PIGU: variants seen among roughly 807,000 people sequenced by gnomAD.
PIGU encodes phosphatidylinositol glycan anchor biosynthesis class U.
A neutral mutation model predicts 49.9 loss-of-function variants in PIGU; 24 were observed. The observed-to-expected ratio is 0.48, with a 90% CI of 0.35 to 0.68. PIGU has a LOEUF of 0.68. PIGU is among the 30% of genes least tolerant of loss of function. The probability of loss-of-function intolerance (pLI) is 0.01; values close to 1 mark genes in which losing one functional copy is unlikely to be tolerated. For synonymous variants in PIGU, 220 were observed against 205.7 expected (o/e 1.07, Z -0.59); for missense variants, 490 against 532.6 (o/e 0.92, Z 0.79).
intron 6 of PIGU, among the ~76,000 whole-genome samples, chr20:34,620,998 T>C (rs1447877672): frequency 2.6e-5 from 4 of 152,128 alleles, no homozygotes; most frequent in African/African-American, 9.7e-5. Context: ...GCTTCAGTAA[T>C]GTGACCAAAA....
intron 11 of PIGU, among the ~76,000 whole-genome samples, chr20:34,566,160 G>A (rs1301456378): frequency 2.6e-5 from 4 of 152,166 alleles, no homozygotes; most frequent in African/African-American, 9.7e-5. Flanking sequence ...GCCCAGCAGC[G>A]CTGCAGCTCC....
chr20:34,615,740 C>A (rs1984979120), intron 7 of PIGU, among the ~76,000 whole-genome samples: 1 of 152,102 alleles, frequency 6.6e-6, no homozygotes, highest in South Asian at 2.1e-4. Flanking sequence ...GTAGTTGTCT[C>A]AGTTATTCGA....
intron 2 of PIGU, among the ~76,000 whole-genome samples, chr20:34,652,557 A>G (rs1986574205): frequency 6.6e-6 from 1 of 152,166 alleles, no homozygotes; most frequent in Non-Finnish European, 1.5e-5. Context: ...AGCTGTGGTT[A>G]TTGACTTGAG....
rs1384481008 is a variant in PIGU, at chr20:34,637,998, A to G, written c.319-13T>C. The G allele has an allele frequency of 3.2e-6, 5 of 1,564,870 alleles. No homozygotes were observed. Among genetic ancestry groups the G allele is most frequent in the Non-Finnish European group, 4.3e-6 (5 of 1,166,152 alleles). ...TCTGCTTTTTAAACTAGAAAAAAAA[A>G]AAAAAGGAAAAGATAAAACACATGA... On this transcript the variant is annotated splice_polypyrimidine_tract_variant and intron_variant, in intron 4 of 11. Transcript: ENST00000217446.
At chr20:34,615,948 C>A in intron 7 of PIGU, 94 bp downstream of exon 7, 1 of 1,463,220 alleles carries the variant, frequency 6.8e-7, no homozygotes, top group Non-Finnish European at 9.0e-7. Context: ...TTCCCACTGC[C>A]TTTACTAACC....
intron 7 of PIGU, among the ~76,000 whole-genome samples, chr20:34,592,940 A>G (rs1407357798): frequency 1.3e-5 from 2 of 152,216 alleles, no homozygotes; most frequent in Admixed American, 1.3e-4. Context: ...ATATGGCAAA[A>G]TGATAACTGA....
intron 1 of PIGU, among the ~76,000 whole-genome samples, chr20:34,672,462 C>T (rs1367163051): frequency 6.6e-6 from 1 of 152,096 alleles, no homozygotes; most frequent in Non-Finnish European, 1.5e-5. Context: ...GAGGTAGATA[C>T]ATGACCCAGG....
chr20:34,649,965 C>T (rs1568658412), intron 2 of PIGU, among the ~76,000 whole-genome samples: 1 of 151,600 alleles, frequency 6.6e-6, no homozygotes, highest in African/African-American at 2.4e-5. Flanking sequence ...TCTCCTGCCT[C>T]AGCCTCCCAA....
chr20:34,573,455 A>G (rs1474949699), intron 11 of PIGU, among the ~76,000 whole-genome samples: 3 of 152,346 alleles, frequency 2.0e-5, no homozygotes, highest in African/African-American at 7.2e-5. Context: ...AGGCAGCCAC[A>G]GAGAAGAAAG....
intron 7 of PIGU, among the ~76,000 whole-genome samples, chr20:34,597,344 A>G (rs1442931373): frequency 6.6e-6 from 1 of 152,222 alleles, no homozygotes; most frequent in Non-Finnish European, 1.5e-5. Flanking sequence ...CTCAAAAACA[A>G]GCTGGTTGAA....
intron 1 of PIGU, among the ~76,000 whole-genome samples, chr20:34,667,264 G>A (rs1457239747): frequency 1.1e-4 from 16 of 152,156 alleles, no homozygotes. Flanking sequence ...TTGTTCAAAA[G>A]CAGTAGTGTC....
intron 6 of PIGU, among the ~76,000 whole-genome samples, chr20:34,624,296 C>A (rs1250780253): frequency 6.6e-6 from 1 of 152,200 alleles, no homozygotes; most frequent in Non-Finnish European, 1.5e-5. Context: ...AAGGCAGACA[C>A]TCTTTCATCC....
At chr20:34,645,201 AAAG>A (rs1986298049) in intron 3 of PIGU, 71 bp downstream of exon 3, 5 of 1,399,170 alleles carry the variant, frequency 3.6e-6, no homozygotes, top group East Asian at 2.8e-5. Flanking sequence ...AAAAAAAAAA[AAAG>A]AGAGAGAGAG....
chr20:34,667,628 T>C (rs1266216250), intron 1 of PIGU, among the ~76,000 whole-genome samples: 1 of 152,042 alleles, frequency 6.6e-6, no homozygotes, highest in African/African-American at 2.4e-5. Context: ...CTGACATAAA[T>C]AGTTAAATAA....
chr20:34,636,249 A>T (rs1359463640), intron 5 of PIGU, among the ~76,000 whole-genome samples: 2 of 151,178 alleles, frequency 1.3e-5, no homozygotes, highest in Non-Finnish European at 1.5e-5. Flanking sequence ...GTACAAATAG[A>T]AATAAAGAAT....
intron 7 of PIGU, among the ~76,000 whole-genome samples, chr20:34,595,121 A>G (rs13045498): frequency 0.033 from 4,973 of 150,448 alleles, 102 homozygotes; most frequent in Non-Finnish European, 0.051. Context: ...AAAAAAAAGA[A>G]AAGAAAATAT....
intron 6 of PIGU, among the ~76,000 whole-genome samples, chr20:34,619,235 C>G (rs1220638175): frequency 6.6e-6 from 1 of 152,162 alleles, no homozygotes; most frequent in African/African-American, 2.4e-5. Flanking sequence ...TGTGTAGGAA[C>G]AGGATCACGC....
chr20:34,572,925 A>AT (rs1983073716), intron 11 of PIGU, among the ~76,000 whole-genome samples: 1 of 152,262 alleles, frequency 6.6e-6, no homozygotes, highest in South Asian at 2.1e-4. Flanking sequence ...GCAAAGACAC[A>AT]TACCAAACTG....
At chr20:34,628,543 T>C (rs148967131) in intron 6 of PIGU, among the ~76,000 whole-genome samples, 45 of 152,254 alleles carry the variant, frequency 3.0e-4, no homozygotes, top group African/African-American at 1.1e-3. Flanking sequence ...AAAATGAATA[T>C]GCAGCCATTA....
Sources: gnomAD v4.1 joint callset for allele counts (sites outside exome capture counted in the v4.1 genomes callset) on GRCh38, gnomAD v4.1.1 for gene constraint, MANE v1.5 for transcripts, NCBI Gene and HGNC (gene_info 2026-07-23, HGNC 2026-07-21) for gene names.